The following ERCC3 variants were observed in gnomAD, a reference collection of about 807,000 sequenced individuals.
ERCC3 encodes general transcription and DNA repair factor IIH helicase/translocase subunit XPB.
In ERCC3, 66 loss-of-function variants were observed where a neutral mutation model predicts 94.2. The observed-to-expected ratio is 0.70, with a 90% CI of 0.57 to 0.86. The LOEUF (loss-of-function observed/expected upper bound fraction) is 0.86, where lower values mean the gene tolerates loss of function less well. Among genes scored for constraint, ERCC3 ranks in the 40% least tolerant of loss-of-function variants. The pLI, the probability that ERCC3 is intolerant of heterozygous loss-of-function variation, is 0.00. For synonymous variants in ERCC3, 349 were observed against 369.1 expected (o/e 0.95, Z 0.63); for missense variants, 829 against 987.1 (o/e 0.84, Z 2.15).
In ERCC3 at chr2:127,271,308, T is replaced by C. The variant is rs1684541611; in HGVS notation, c.1945+28A>G. 6.7e-7 allele frequency: 1 copy of C among 1,495,676 alleles called. No individual in the cohort carries two copies. Among genetic ancestry groups the C allele is most frequent in the Non-Finnish European group, 9.3e-7 (1 of 1,072,040 alleles). The allele number at this position is 1,495,676 out of a possible 1,614,324, so 92.7% of individuals were successfully genotyped here. A position where few individuals can be genotyped will look rare whatever the true frequency, so the allele number is the denominator to read the frequency against. ...AAGTGGTTTAAGAGGAGTGACCTCC[T>C]GCAACAGAAGATGAAAGGCCACTTT... On this transcript the variant is annotated intron_variant, in intron 12 of 14. Coordinates refer to ENST00000285398, the MANE Select transcript of ERCC3 (RefSeq NM_000122.2). The surrounding 1 kb of genome is among the most constrained non-coding windows in gnomAD (Gnocchi z 5.0).
At chr2:127,266,709 ATTTTTT>A (rs960627621) in intron 12 of ERCC3, among the ~76,000 whole-genome samples, 8 of 87,332 alleles carry the variant, frequency 9.2e-5, no homozygotes, top group South Asian at 3.8e-4. Context: ...ATGATCAATT[ATTTTTT>A]TTTTTTTTTT....
Position 127,286,671 on chromosome 2 carries a change from G to T in ERCC3, c.1342+32C>A, listed in dbSNP as rs530924467. On this transcript the variant is annotated intron_variant, in intron 8 of 14. Coordinates refer to ENST00000285398, the MANE Select transcript of ERCC3 (RefSeq NM_000122.2). ...AACTGGAAATTGGTTTGTCTGTTCA[G>T]CAAGTGGACAGCTCAGCTCCAGCCT... 8.0e-5 allele frequency: 129 copies of T among 1,604,836 alleles called. No individual in the cohort carries two copies. In the South Asian group the frequency reaches 1.3e-3, roughly 17 times the overall value.
At chr2:127,287,867 T>C (rs1685131669) in intron 7 of ERCC3, among the ~76,000 whole-genome samples, 1 of 152,088 alleles carries the variant, frequency 6.6e-6, no homozygotes, top group African/African-American at 2.4e-5. Flanking sequence ...CCATCCACCA[T>C]TTGAAGATCA....
rs989959271 is a variant in ERCC3 at position 127,258,055 on chromosome 2, C to T, written c.2218-328G>A. Among the ~76,000 whole-genome samples, 3 of 152,094 alleles carry T rather than the reference C, an allele frequency of 2.0e-5. No individual in the cohort carries two copies. Among genetic ancestry groups the T allele is most frequent in the African/African-American group, 4.8e-5 (2 of 41,406 alleles). On this transcript the variant is annotated intron_variant, in intron 14 of 14. Transcript: ENST00000285398. This position sits in a 1 kb window ranked among gnomAD's most constrained non-coding sequence, Gnocchi z 4.1. The stretch of plus-strand genomic sequence containing the variant: ...TAGCCTGGCTTCAGACTGTTCTTAA[C>T]CATAATGCCACACTACCTCACTTAA...
Position 127,284,238 on chromosome 2 carries a change from T to C in ERCC3, c.1342+2465A>G, listed in dbSNP as rs1172005987. 1 of 152,268 alleles carries C rather than the reference T, an allele frequency of 6.6e-6. No individual in the cohort carries two copies. Among genetic ancestry groups the C allele is most frequent in the African/African-American group, 2.4e-5 (1 of 41,454 alleles). 9.4% of individuals were successfully genotyped at this position (152,268 alleles called of 1,614,324 possible). A position where few individuals can be genotyped will look rare whatever the true frequency, so the allele number is the denominator to read the frequency against. On this transcript the variant is annotated intron_variant, in intron 8 of 14. Coordinates refer to ENST00000285398, the MANE Select transcript of ERCC3 (RefSeq NM_000122.2). The surrounding 1 kb of genome is among the most constrained non-coding windows in gnomAD (Gnocchi z 4.1). ...AGCAGCCAGGGCAGTATTTTTACAGTGTAAAGTCAACTCATGTCATGCTCT... is the reference window on the plus strand; with the variant it reads ...AGCAGCCAGGGCAGTATTTTTACAGCGTAAAGTCAACTCATGTCATGCTCT...
chr2:127,273,581 C>T (rs1250361142), intron 10 of ERCC3, among the ~76,000 whole-genome samples: 1 of 151,798 alleles, frequency 6.6e-6, no homozygotes, highest in Non-Finnish European at 1.5e-5. Flanking sequence ...GAAACCCCGT[C>T]TCTACCAAAA....
rs879304604 is a variant in ERCC3, at chr2:127,264,699, G to GT, written c.1946-3354dup. 6.6e-6 allele frequency among the ~76,000 whole-genome samples: 1 copy of GT among 152,120 alleles called. No homozygotes were observed. The highest frequency in any genetic ancestry group is 1.5e-5 in the Non-Finnish European group (1 of 68,032). On this transcript the variant is annotated intron_variant, in intron 12 of 14. Transcript: ENST00000285398. The surrounding 1 kb of genome is among the most constrained non-coding windows in gnomAD (Gnocchi z 4.4). ...TGTTCATCAGGAATACTAGCCTGTAGTTTTTTCATCGTGTCTTTGCCAGAT... is the reference window on the plus strand; with the variant it reads ...TGTTCATCAGGAATACTAGCCTGTAGTTTTTTTCATCGTGTCTTTGCCAGAT...
Position 127,279,127 on chromosome 2 carries a change from GGAAGA to G in ERCC3, c.1730+41_1730+45del, listed in dbSNP as rs1393450143. On this transcript the variant is annotated intron_variant, in intron 10 of 14. Transcript: ENST00000285398. This position sits in a 1 kb window ranked among gnomAD's most constrained non-coding sequence, Gnocchi z 4.7. ...CAGCCACCTTCTGCACTCTCAATGG[GGAAGA>G]GAAACTGGCCTGGAGGAAGCTCCAA... 1.5e-6 allele frequency: 2 copies of G among 1,319,424 alleles called. No homozygotes were observed. Among genetic ancestry groups the G allele is most frequent in the Admixed American group, 1.7e-5 (1 of 59,028 alleles). 81.7% of individuals were successfully genotyped at this position (1,319,424 alleles called of 1,614,324 possible). A position where few individuals can be genotyped will look rare whatever the true frequency, so the allele number is the denominator to read the frequency against.
intron 10 of ERCC3, among the ~76,000 whole-genome samples, 184 bp downstream of exon 10, chr2:127,278,989 C>G (rs1684823296): frequency 6.6e-6 from 1 of 152,176 alleles, no homozygotes; most frequent in African/African-American, 2.4e-5. Flanking sequence ...ATGCTCTAAC[C>G]TCTGACTCCA....
intron 5 of ERCC3, 82 bp downstream of exon 5, chr2:127,289,607 A>C: frequency 6.2e-7 from 1 of 1,604,288 alleles, no homozygotes; most frequent in Non-Finnish European, 8.5e-7. Flanking sequence ...GCTAGGTTGT[A>C]AGTGCTGGGT....
rs1410692227 is a variant in ERCC3, at chr2:127,264,829, G to A, written c.1946-3483C>T. On this transcript the variant is annotated intron_variant, in intron 12 of 14. Coordinates refer to ENST00000285398, the MANE Select transcript of ERCC3 (RefSeq NM_000122.2). The surrounding 1 kb of genome is among the most constrained non-coding windows in gnomAD (Gnocchi z 4.4). ...GTAGAACTGAATACATCTGGTCCAG[G>A]ACTTTTTTAGTTGGTAGATTTTTTT... Among the ~76,000 whole-genome samples, 1 of 151,760 alleles carries A rather than the reference G, an allele frequency of 6.6e-6. No individual in the cohort carries two copies. The highest frequency in any genetic ancestry group is 2.4e-5 in the African/African-American group (1 of 41,278).
intron 12 of ERCC3, among the ~76,000 whole-genome samples, chr2:127,270,008 A>T (rs1684500059): frequency 6.8e-6 from 1 of 146,874 alleles, no homozygotes; most frequent in Admixed American, 7.1e-5. Context: ...GTGACAGAAT[A>T]AGACTCTATC....
chr2:127,259,154 T>C lies in ERCC3; in HGVS notation c.2217+142A>G. On this transcript the variant is annotated intron_variant, in intron 14 of 14. Coordinates refer to ENST00000285398, the MANE Select transcript of ERCC3 (RefSeq NM_000122.2). The surrounding 1 kb of genome is among the most constrained non-coding windows in gnomAD (Gnocchi z 4.9). ...CCAAAAGGGCAACAAGGATTGTTTCTGTTCATCTCTTCCGTGTTTTCCAAC... is the reference window on the plus strand; with the variant it reads ...CCAAAAGGGCAACAAGGATTGTTTCCGTTCATCTCTTCCGTGTTTTCCAAC... The C allele has an allele frequency of 3.2e-6, 3 of 933,292 alleles. No individual in the cohort carries two copies. Among genetic ancestry groups the C allele is most frequent in the South Asian group, 1.4e-5 (1 of 71,380 alleles). 57.8% of individuals were successfully genotyped at this position (933,292 alleles called of 1,614,324 possible).
rs911223602 is a variant in ERCC3, at chr2:127,259,554, C to T, written c.2065-106G>A. On this transcript the variant is annotated intron_variant, in intron 13 of 14. Transcript: ENST00000285398. The surrounding 1 kb of genome is among the most constrained non-coding windows in gnomAD (Gnocchi z 4.9). ...CTTTGGTCACTTCCCTCCCCAGGCC[C>T]AGCCACCCTGGTGGCCAACAATGGA... 5.4e-6 allele frequency: 8 copies of T among 1,478,172 alleles called. No individual in the cohort carries two copies. In the African/African-American group the frequency reaches 9.6e-5, roughly 18 times the overall value. 91.6% of individuals were successfully genotyped at this position (1,478,172 alleles called of 1,614,324 possible).
chr2:127,290,906 A>AC (rs1345301839), intron 3 of ERCC3: 1 of 153,614 alleles, frequency 6.5e-6, no homozygotes, highest in Non-Finnish European at 1.4e-5. Flanking sequence ...ACATGGTGAA[A>AC]CCCCATCTCT....
chr2:127,279,024 G>A lies in ERCC3; in HGVS notation c.1730+149C>T, dbSNP rs1038763787. ...AACCACCTACTTCAGGTCTTCCCTGGTTTCTGAGACCAGGGCCACAGAACA... is the reference window on the plus strand; with the variant it reads ...AACCACCTACTTCAGGTCTTCCCTGATTTCTGAGACCAGGGCCACAGAACA... On this transcript the variant is annotated intron_variant, in intron 10 of 14. Coordinates refer to ENST00000285398, the MANE Select transcript of ERCC3 (RefSeq NM_000122.2). The surrounding 1 kb of genome is among the most constrained non-coding windows in gnomAD (Gnocchi z 4.7). 8 of 681,718 alleles carry A rather than the reference G, an allele frequency of 1.2e-5. No individual in the cohort carries two copies. The highest frequency in any genetic ancestry group is 7.2e-5 in the African/African-American group (4 of 55,724). The allele number at this position is 681,718 out of a possible 1,614,324, so 42.2% of individuals were successfully genotyped here. A position where few individuals can be genotyped will look rare whatever the true frequency, so the allele number is the denominator to read the frequency against.
At chr2:127,273,672 C>T (rs945332101) in intron 10 of ERCC3, among the ~76,000 whole-genome samples, 1 of 134,356 alleles carries the variant, frequency 7.4e-6, no homozygotes, top group East Asian at 2.5e-4. Context: ...TCACTTGAAC[C>T]GGGGAGGCAG....
At chr2:127,281,973 A>G (rs1371908000) in intron 8 of ERCC3, among the ~76,000 whole-genome samples, 1 of 152,064 alleles carries the variant, frequency 6.6e-6, no homozygotes, top group Non-Finnish European at 1.5e-5. Flanking sequence ...GACCCAAGAC[A>G]AGGATAAGGC....
chr2:127,288,824 TC>T lies in ERCC3; in HGVS notation c.862del (p.Glu288SerfsTer23), dbSNP rs2104774793. The T allele has an allele frequency of 6.2e-7, 1 of 1,614,078 alleles. No homozygotes were observed. Among genetic ancestry groups the T allele is most frequent in the South Asian group, 1.1e-5 (1 of 91,080 alleles). On this transcript the variant is annotated frameshift_variant, in exon 7 of 15. Transcript: ENST00000285398. LOFTEE classifies it high-confidence loss of function. ...GTCATATTCTGCCAACAGAGGGTAC[TC>T]CAGGTGGATGCAACGTTTCTGGAGT... is the stretch of plus-strand genomic sequence containing the variant. ...EELQKRCIHL[E>X]YPLLAEYDFR...
Sources: gnomAD v4.1 joint callset for allele counts (sites outside exome capture counted in the v4.1 genomes callset) on GRCh38, gnomAD v4.1.1 for gene constraint, Gnocchi (gnomAD v3.1) non-coding constraint, MANE v1.5 for transcripts, NCBI Gene and HGNC (gene_info 2026-07-23, HGNC 2026-07-21) for gene names.